ROBO1: variants seen among roughly 807,000 people sequenced by gnomAD.
ROBO1 encodes the protein roundabout guidance receptor 1.
ROBO1 carries 149 observed loss-of-function variants against 195.9 expected under a neutral mutation model. The observed-to-expected ratio is 0.76, with a 90% CI of 0.67 to 0.87. The LOEUF (loss-of-function observed/expected upper bound fraction) is 0.87, where lower values mean the gene tolerates loss of function less well. Ranked by LOEUF, ROBO1 falls within the 40% of genes least tolerant of loss-of-function variation. The probability of loss-of-function intolerance (pLI) is 0.00; values close to 1 mark genes in which losing one functional copy is unlikely to be tolerated. For missense variants in ROBO1, 1,933 were observed against 2,068.3 expected, an observed-to-expected ratio of 0.93 and a Z score of 1.27; for synonymous variants, 816 against 733.2, an observed-to-expected ratio of 1.11 and a Z score of -1.82.
Position 78,606,968 on chromosome 3 carries a change from T to C in ROBO1, c.4509A>G (p.Val1503=). 6.2e-7 allele frequency: 1 copy of C among 1,613,944 alleles called. No individual in the cohort carries two copies. Among genetic ancestry groups the C allele is most frequent in the Non-Finnish European group, 8.5e-7 (1 of 1,179,886 alleles). ...PTAQSKTQLE[V]RPVVVPKLPS... is the part of the protein sequence containing the mutation. The stretch of plus-strand genomic sequence containing the variant: ...GGAGTTTTGGCACCACTACAGGTCG[T>C]ACTTCCAGCTGTGTCTTGGATTGGG... The change falls in exon 29 of 31, where the codon GTA becomes GTG. Residue 1503 remains valine, a synonymous_variant. Coordinates refer to ENST00000464233, the MANE Select transcript of ROBO1 (RefSeq NM_002941.4).
At chr3:79,751,529 T>A (rs1282349010) in intron 1 of ROBO1, among the ~76,000 whole-genome samples, 1 of 152,178 alleles carries the variant, frequency 6.6e-6, no homozygotes, top group Non-Finnish European at 1.5e-5. Flanking sequence ...TAAGTGCTAT[T>A]GTTAAAGTCC....
intron 2 of ROBO1, among the ~76,000 whole-genome samples, chr3:79,313,774 T>C (rs2033602844): frequency 6.6e-6 from 1 of 152,180 alleles, no homozygotes; most frequent in African/African-American, 2.4e-5. Context: ...GTTGTTAAGT[T>C]ACTACACAGT....
intron 3 of ROBO1, among the ~76,000 whole-genome samples, chr3:79,001,910 G>A (rs2077514079): frequency 6.6e-6 from 1 of 152,098 alleles, no homozygotes; most frequent in Non-Finnish European, 1.5e-5. Flanking sequence ...GGAGGAGAAT[G>A]TATTATTTTT....
At chr3:79,469,345 T>C (rs1938142848) in intron 2 of ROBO1, among the ~76,000 whole-genome samples, 1 of 152,098 alleles carries the variant, frequency 6.6e-6, no homozygotes, top group South Asian at 2.1e-4. Flanking sequence ...TGAGAAGTAA[T>C]TGGAAATTAT....
At chr3:79,543,498 C>A (rs768522742) in intron 2 of ROBO1, among the ~76,000 whole-genome samples, 1 of 152,012 alleles carries the variant, frequency 6.6e-6, no homozygotes, top group Non-Finnish European at 1.5e-5. Context: ...GGAAAGAAAG[C>A]ACAGTGCAAA....
At chr3:78,731,793 A>G (rs994544338) in intron 5 of ROBO1, among the ~76,000 whole-genome samples, 3 of 152,150 alleles carry the variant, frequency 2.0e-5, no homozygotes, top group Admixed American at 2.0e-4. Flanking sequence ...AAGAATTGCA[A>G]AAGCTTAACA....
At chr3:79,240,292 C>A (rs1020050881) in intron 2 of ROBO1, among the ~76,000 whole-genome samples, 2 of 152,086 alleles carry the variant, frequency 1.3e-5, no homozygotes, top group Admixed American at 1.3e-4. Context: ...TACGTTGTTG[C>A]AAATGACTAG....
rs1161269571 is a variant in ROBO1 at position 79,605,919 on chromosome 3, C to T, written c.-50-15958G>A. Among the ~76,000 whole-genome samples, 5 of 151,622 alleles carry T rather than the reference C, an allele frequency of 3.3e-5. No individual in the cohort carries two copies. The East Asian group carries it at 9.8e-4, about 30-fold the overall frequency. ...TTTTTCAATGCTTTCGAGTAAAACA[C>T]GCTCAGTGTAATATGTATAAAGTGC... On this transcript the variant is annotated intron_variant, in intron 1 of 30. Transcript: ENST00000464233.
chr3:79,181,786 G>A (rs2081344041), intron 2 of ROBO1, among the ~76,000 whole-genome samples: 1 of 151,788 alleles, frequency 6.6e-6, no homozygotes, highest in Non-Finnish European at 1.5e-5. Flanking sequence ...AATTAGCCAG[G>A]CATACTGGTG....
At chr3:78,694,337 A>C (rs932794875) in intron 8 of ROBO1, among the ~76,000 whole-genome samples, 1 of 152,172 alleles carries the variant, frequency 6.6e-6, no homozygotes, top group Non-Finnish European at 1.5e-5. Flanking sequence ...AGCAAATCAA[A>C]ATTAATTAGA....
intron 2 of ROBO1, among the ~76,000 whole-genome samples, chr3:79,385,465 C>T (rs1332655914): frequency 1.3e-5 from 2 of 150,816 alleles, no homozygotes; most frequent in African/African-American, 5.0e-5. Flanking sequence ...TCAGTATCAT[C>T]ATTGTAATGT....
At chr3:79,171,303 T>C (rs1314067374) in intron 2 of ROBO1, among the ~76,000 whole-genome samples, 1 of 151,298 alleles carries the variant, frequency 6.6e-6, no homozygotes, top group Non-Finnish European at 1.5e-5. Flanking sequence ...ATTTTATTCA[T>C]GTGCTAGAAA....
chr3:79,199,052 C>G (rs555073802), intron 2 of ROBO1, among the ~76,000 whole-genome samples: 1 of 152,052 alleles, frequency 6.6e-6, no homozygotes, highest in African/African-American at 2.4e-5. Flanking sequence ...CTGGCCAGAG[C>G]TTCCAATACT....
chr3:79,237,948 C>T (rs909610296), intron 2 of ROBO1, among the ~76,000 whole-genome samples: 4 of 152,090 alleles, frequency 2.6e-5, no homozygotes, highest in African/African-American at 7.2e-5. Context: ...TGATAGAGTT[C>T]GGACCTAGAA....
intron 9 of ROBO1, among the ~76,000 whole-genome samples, chr3:78,687,539 A>T (rs2081078130): frequency 6.6e-6 from 1 of 152,222 alleles, no homozygotes; most frequent in Admixed American, 6.5e-5. Flanking sequence ...GACTGATTTA[A>T]GCAAAATTAA....
At chr3:79,190,645 G>T (rs565692139) in intron 2 of ROBO1, among the ~76,000 whole-genome samples, 5 of 151,606 alleles carry the variant, frequency 3.3e-5, no homozygotes, top group African/African-American at 1.2e-4. Context: ...CTCCCCTGAA[G>T]ACCTTCTCTG....
intron 2 of ROBO1, among the ~76,000 whole-genome samples, chr3:79,135,654 T>G (rs2080392969): frequency 6.6e-6 from 1 of 151,860 alleles, no homozygotes; most frequent in East Asian, 1.9e-4. Context: ...TTTTTTTTTT[T>G]GAGACGGAGT....
chr3:79,641,947 A>T lies in ROBO1; in HGVS notation c.-50-51986T>A, dbSNP rs540163132. 1.6e-4 allele frequency among the ~76,000 whole-genome samples: 24 copies of T among 152,246 alleles called. No individual in the cohort carries two copies. In the South Asian group the frequency reaches 5.0e-3, roughly 32 times the overall value. On this transcript the variant is annotated intron_variant, in intron 1 of 30. Coordinates refer to ENST00000464233, the MANE Select transcript of ROBO1 (RefSeq NM_002941.4). ...GCTGGGAGGATTACTTGAGCCCAGG[A>T]GGTTGAGGCTAAACTGATCTGTGAT...
chr3:79,071,267 G>GT (rs1484157428), intron 3 of ROBO1, among the ~76,000 whole-genome samples: 5 of 151,070 alleles, frequency 3.3e-5, no homozygotes, highest in Admixed American at 2.6e-4. Context: ...CATTTGATTT[G>GT]TTTTTTTAAA....
Sources: gnomAD v4.1 joint callset for allele counts (sites outside exome capture counted in the v4.1 genomes callset) on GRCh38, gnomAD v4.1.1 for gene constraint, MANE v1.5 for transcripts, NCBI Gene and HGNC (gene_info 2026-07-23, HGNC 2026-07-21) for gene names.